Variants in IL13RA1 observed in about 807,000 individuals in gnomAD.
IL13RA1 encodes interleukin-13 receptor subunit alpha-1.
IL13RA1 carries 14 observed loss-of-function variants against 33.8 expected under a neutral mutation model. The ratio of observed to expected loss-of-function variants is 0.41; its 90% CI spans 0.27 to 0.65. The LOEUF (loss-of-function observed/expected upper bound fraction) is 0.65, where lower values mean the gene tolerates loss of function less well. Among genes scored for constraint, IL13RA1 ranks in the 30% least tolerant of loss-of-function variants. IL13RA1 has a pLI of 0.28. For missense variants in IL13RA1, 313 were observed against 327.0 expected (o/e 0.96, Z 0.33); for synonymous variants, 116 against 115.7 (o/e 1.00, Z -0.02).
intron 6 of IL13RA1, among the ~76,000 whole-genome samples, chrX:118,764,709 AT>A (rs1473898580): frequency 8.9e-6 from 1 of 111,907 alleles, no homozygotes; most frequent in Non-Finnish European, 1.9e-5. Flanking sequence ...CATTTTGGAA[AT>A]ACTTGCATTT....
intron 10 of IL13RA1, among the ~76,000 whole-genome samples, chrX:118,786,840 G>A (rs1311629386): frequency 3.6e-5 from 4 of 112,344 alleles, no homozygotes; most frequent in African/African-American, 9.7e-5. Context: ...GCTGCTTTCA[G>A]TCTAGACCAC....
chrX:118,746,134 G>T (rs192789900), intron 2 of IL13RA1, among the ~76,000 whole-genome samples: 2,544 of 93,513 alleles, frequency 0.027, 72 homozygotes, highest in African/African-American at 0.1. Context: ...ATGATTACTG[G>T]ATTTTTTTTT....
chrX:118,770,850 A>T (rs2017711304), intron 8 of IL13RA1: 1 of 269,140 alleles, frequency 3.7e-6, no homozygotes, highest in Non-Finnish European at 7.0e-6. Flanking sequence ...GATGACAATG[A>T]GGAGGAGGGG....
chrX:118,788,891 T>C (rs1182520480), intron 10 of IL13RA1, among the ~76,000 whole-genome samples: 1 of 111,730 alleles, frequency 9.0e-6, no homozygotes, highest in East Asian at 2.8e-4. Context: ...AATCTGAAAA[T>C]CTAAAATCCG....
chrX:118,798,545 C>T (rs1168974733), downstream of IL13RA1, among the ~76,000 whole-genome samples: 6 of 111,645 alleles, frequency 5.4e-5, no homozygotes, highest in Non-Finnish European at 1.1e-4. Flanking sequence ...CCCTCCTGAT[C>T]CATCCTGAAA....
intron 2 of IL13RA1, among the ~76,000 whole-genome samples, chrX:118,745,022 G>A (rs1234226941): frequency 9.0e-6 from 1 of 111,605 alleles, no homozygotes; most frequent in African/African-American, 3.3e-5. Context: ...ATTTGTATTC[G>A]AAGCCTTCCT....
chrX:118,766,241 A>G (rs890009582), intron 6 of IL13RA1, among the ~76,000 whole-genome samples: 1 of 111,899 alleles, frequency 8.9e-6, no homozygotes, highest in African/African-American at 3.2e-5. Flanking sequence ...AAAGCTTGCT[A>G]TAGTTATGTA....
intron 4 of IL13RA1, among the ~76,000 whole-genome samples, chrX:118,754,534 G>A (rs1418651498): frequency 9.1e-6 from 1 of 110,198 alleles, no homozygotes; most frequent in Non-Finnish European, 1.9e-5. Flanking sequence ...CTACTCAGGA[G>A]GCTGAGGCAG....
In IL13RA1 at chrX:118,788,817, G is replaced by A. The variant is rs183469794; in HGVS notation, c.1192-2945G>A. 9.0e-5 allele frequency among the ~76,000 whole-genome samples: 10 copies of A among 111,674 alleles called. No individual in the cohort carries two copies. The East Asian group carries it at 2.8e-3, about 31-fold the overall frequency. On this transcript the variant is annotated intron_variant, in intron 10 of 10. Coordinates refer to ENST00000371666, the MANE Select transcript of IL13RA1 (RefSeq NM_001560.3). The stretch of plus-strand genomic sequence containing the variant: ...AGGATAAATTGTTACAAGCCAAATT[G>A]CATGATCAAGGGGGAGGGTATATGT...
At position 118,784,146 on chromosome X, in the gene IL13RA1, T is replaced by TATAC. The variant is rs1314874573; in HGVS notation, c.1192-7615_1192-7614insTACA. On this transcript the variant is annotated intron_variant, in intron 10 of 10. Coordinates refer to ENST00000371666, the MANE Select transcript of IL13RA1 (RefSeq NM_001560.3). ...ATATATATGTATATATATATATATATACGTATATACACATATATACGTATA... is the reference window on the plus strand; with the variant it reads ...ATATATATGTATATATATATATATATATACACGTATATACACATATATACGTATA... 2.0e-4 allele frequency among the ~76,000 whole-genome samples: 18 copies of TATAC among 89,077 alleles called. 3 individuals carry two copies. Among genetic ancestry groups the TATAC allele is most frequent in the South Asian group, 5.6e-4 (1 of 1,770 alleles). 77.4% of individuals were successfully genotyped at this position (89,077 alleles called of 115,157 possible). A position where few individuals can be genotyped will look rare whatever the true frequency, so the allele number is the denominator to read the frequency against.
At chrX:118,800,464 A>G in the IL13RA1 span, among the ~76,000 whole-genome samples, 18 of 110,053 alleles carry the variant, frequency 1.6e-4, no homozygotes, top group Admixed American at 4.8e-4. Context: ...GCTGTAACAC[A>G]CACCGCCAAG....
chrX:118,802,785 T>A, the IL13RA1 span, among the ~76,000 whole-genome samples: 1 of 112,188 alleles, frequency 8.9e-6, no homozygotes, highest in Non-Finnish European at 1.9e-5. Context: ...AGATTTGGAT[T>A]AAGAATCAGT....
intron 1 of IL13RA1, among the ~76,000 whole-genome samples, chrX:118,738,989 T>C (rs1399048365): frequency 9.1e-6 from 1 of 110,221 alleles, no homozygotes; most frequent in East Asian, 2.8e-4. Flanking sequence ...TGTTTCGTTA[T>C]GTTGTCCAGG....
downstream of IL13RA1, among the ~76,000 whole-genome samples, chrX:118,798,509 G>C (rs1229695795): frequency 9.0e-6 from 1 of 111,382 alleles, no homozygotes; most frequent in African/African-American, 3.3e-5. Flanking sequence ...TTTTTGGGGG[G>C]AGACAGCCCT....
rs142945515 is a variant in IL13RA1, at chrX:118,783,755, T to TACACACACACACACAC, written c.1191+7249_1191+7264dup. Among the ~76,000 whole-genome samples the TACACACACACACACAC allele has an allele frequency of 1.8e-3, 181 of 100,944 alleles. 2 individuals carry two copies. Among genetic ancestry groups the TACACACACACACACAC allele is most frequent in the African/African-American group, 5.2e-3 (143 of 27,355 alleles). 87.7% of individuals were successfully genotyped at this position (100,944 alleles called of 115,157 possible). A position where few individuals can be genotyped will look rare whatever the true frequency, so the allele number is the denominator to read the frequency against. Reference sequence around the variant, plus strand: ...GTTTTTATTTGTGAAAAATCCATATTACACACACACACACACACACTTCAC... The same window carrying TACACACACACACACAC: ...GTTTTTATTTGTGAAAAATCCATATTACACACACACACACACACACACACACACACACACACTTCAC... On this transcript the variant is annotated intron_variant, in intron 10 of 10. Transcript: ENST00000371666.
downstream of IL13RA1, among the ~76,000 whole-genome samples, chrX:118,795,225 A>AG (rs1469692729): frequency 2.9e-4 from 31 of 105,368 alleles, no homozygotes; most frequent in Non-Finnish European, 4.0e-4. Flanking sequence ...AAAAAAAAAA[A>AG]AAAAAGAAAA....
At chrX:118,795,227 A>AAAAAAAAAAAAAAAAAAAAAAAG (rs200347606), downstream of IL13RA1, among the ~76,000 whole-genome samples, 14 of 94,998 alleles carry the variant, frequency 1.5e-4, no homozygotes, top group African/African-American at 6.7e-4. Context: ...AAAAAAAAAA[A>AAAAAAAAAAAAAAAAAAAAAAAG]AAAGAAAAAG....
At chrX:118,746,469 G>A (rs1411367758) in intron 2 of IL13RA1, among the ~76,000 whole-genome samples, 1 of 112,018 alleles carries the variant, frequency 8.9e-6, no homozygotes, top group African/African-American at 3.3e-5. Flanking sequence ...CTGGTACAGT[G>A]CATCTACTTC....
chrX:118,798,809 C>T (rs1318508817), downstream of IL13RA1, among the ~76,000 whole-genome samples: 1 of 112,756 alleles, frequency 8.9e-6, no homozygotes, highest in African/African-American at 3.2e-5. Flanking sequence ...CCTCACAGCC[C>T]TCGCTCGCTC....
Sources: gnomAD v4.1 joint callset for allele counts (sites outside exome capture counted in the v4.1 genomes callset) on GRCh38, gnomAD v4.1.1 for gene constraint, MANE v1.5 for transcripts, NCBI Gene and HGNC (gene_info 2026-07-23, HGNC 2026-07-21) for gene names.